RPS6KA2: variants seen among roughly 807,000 people sequenced by gnomAD.
RPS6KA2 encodes the protein ribosomal protein S6 kinase A2, also known as ribosomal protein S6 kinase alpha-2.
Under a neutral mutation model 91.8 loss-of-function variants are expected in RPS6KA2, and 42 were observed. That is an observed-to-expected ratio of 0.46 (90% CI 0.36 to 0.59). The LOEUF (loss-of-function observed/expected upper bound fraction) is 0.59. Ranked by LOEUF, RPS6KA2 falls within the 20% of genes least tolerant of loss-of-function variation. RPS6KA2 has a pLI of 0.00. For synonymous variants in RPS6KA2, 414 were observed against 393.6 expected, an observed-to-expected ratio of 1.05 and a Z score of -0.61; for missense variants, 798 against 978.5, an observed-to-expected ratio of 0.82 and a Z score of 2.46.
chr6:166,569,635 G>A (rs1644010489), intron 1 of RPS6KA2, among the ~76,000 whole-genome samples: 1 of 152,134 alleles, frequency 6.6e-6, no homozygotes, highest in Admixed American at 6.5e-5. Flanking sequence ...TATGGGCAGG[G>A]GCCACATCGT....
chr6:166,660,037 G>A (rs911780969), intron 2 of RPS6KA2, among the ~76,000 whole-genome samples: 9 of 151,946 alleles, frequency 5.9e-5, no homozygotes, highest in Non-Finnish European at 1.2e-4. Context: ...GCTCACAGGC[G>A]TGAGCCACCA....
chr6:166,616,182 G>A (rs565094970), intron 1 of RPS6KA2, among the ~76,000 whole-genome samples: 4 of 152,184 alleles, frequency 2.6e-5, no homozygotes, highest in Non-Finnish European at 4.4e-5. Flanking sequence ...ATTTATTACG[G>A]GTCAGACCCT....
Position 166,412,867 on chromosome 6 carries a change from G to A in RPS6KA2, c.2097C>T (p.Tyr699=). The change falls in exon 21 of 21, where the codon TAC becomes TAT. Residue 699 remains tyrosine (Y), a synonymous_variant. Transcript: ENST00000265678. This position sits in a 1 kb window ranked among gnomAD's most constrained non-coding sequence, Gnocchi z 4.3. ...CCTGAGGTGTTCTGTTTAGAGCAAA[G>A]TAGGTGGCGGCCATCGCGCCCTGCA... is the stretch of plus-strand genomic sequence containing the variant. ...HLVKGAMAAT[Y]FALNRTPQAP... The A allele has an allele frequency of 6.4e-7, 1 of 1,560,650 alleles. No homozygotes were observed. Among genetic ancestry groups the A allele is most frequent in the South Asian group, 1.2e-5 (1 of 84,736 alleles).
In RPS6KA2 at chr6:166,423,294, T is replaced by C. The variant is rs548653229; in HGVS notation, c.1705A>G (p.Met569Val). Reference sequence around the variant, plus strand: ...AAATTGGCCGTGTAGCAGGGTGTCATGAGCAGCCCGTTCCCCGCGCGCAGC... The same window carrying C: ...AAATTGGCCGTGTAGCAGGGTGTCACGAGCAGCCCGTTCCCCGCGCGCAGC... ...KQLRAGNGLL[M>V]TPCYTANFVA... Residue 569 changes from methionine to valine, a missense_variant, in exon 17 of 21, where the codon ATG (methionine) becomes GTG (valine). Met to Val is a conservative substitution (Grantham distance 21). Transcript: ENST00000265678. The surrounding 1 kb of genome is among the most constrained non-coding windows in gnomAD (Gnocchi z 4.8). 2.5e-6 allele frequency: 4 copies of C among 1,613,936 alleles called. No individual in the cohort carries two copies. The highest frequency in any genetic ancestry group is 2.2e-5 in the South Asian group (2 of 91,084).
intron 2 of RPS6KA2, among the ~76,000 whole-genome samples, chr6:166,640,572 C>T (rs1787398646): frequency 6.6e-6 from 1 of 152,178 alleles, no homozygotes; most frequent in Non-Finnish European, 1.5e-5. Context: ...GGGCAACCTG[C>T]TGGGTCACGT....
chr6:166,610,492 C>CTT (rs752696242), intron 1 of RPS6KA2, among the ~76,000 whole-genome samples: 1 of 152,240 alleles, frequency 6.6e-6, no homozygotes, highest in Non-Finnish European at 1.5e-5. Flanking sequence ...GGGTTACACA[C>CTT]TTCATGAGGC....
At chr6:166,723,932 T>C (rs1487784733) in intron 2 of RPS6KA2, among the ~76,000 whole-genome samples, 1 of 152,156 alleles carries the variant, frequency 6.6e-6, no homozygotes, top group Non-Finnish European at 1.5e-5. Context: ...ACTCCTGACC[T>C]CAGGTGATCC....
chr6:166,492,718 TTC>T (rs1418082364), intron 8 of RPS6KA2, among the ~76,000 whole-genome samples: 2 of 131,064 alleles, frequency 1.5e-5, no homozygotes, highest in African/African-American at 5.7e-5. Context: ...TCTTTTTCTT[TTC>T]TTTTTTTTTT....
At position 166,743,767 on chromosome 6, in the gene RPS6KA2, G is replaced by A. The variant is rs114052964; in HGVS notation, c.123+114433C>T. Among the ~76,000 whole-genome samples, 729 of 151,518 alleles carry A rather than the reference G, an allele frequency of 4.8e-3. 8 individuals carry two copies. The highest frequency in any genetic ancestry group is 0.016 in the African/African-American group (643 of 40,950). The stretch of plus-strand genomic sequence containing the variant: ...TAGAACGTTAACAAACCAGGCCCAC[G>A]GCAGACAGGGCTTTGGCTGGTGGTC... On this transcript the variant is annotated intron_variant, in intron 2 of 21. Coordinates refer to the RPS6KA2 transcript ENST00000503859.
At chr6:166,717,721 G>A (rs377415270) in intron 2 of RPS6KA2, among the ~76,000 whole-genome samples, 44 of 152,318 alleles carry the variant, frequency 2.9e-4, no homozygotes, top group African/African-American at 1.0e-3. Context: ...AGGTCAGCAT[G>A]CTGAAATGAC....
At chr6:166,645,301 G>A (rs911858434) in intron 2 of RPS6KA2, among the ~76,000 whole-genome samples, 22 of 152,202 alleles carry the variant, frequency 1.4e-4, no homozygotes, top group African/African-American at 5.1e-4. Flanking sequence ...ATAAATTATG[G>A]AGCTGGAATC....
intron 2 of RPS6KA2, chr6:166,701,732 C>A (rs1789527479): frequency 1.5e-6 from 2 of 1,301,934 alleles, no homozygotes; most frequent in Admixed American, 1.7e-5. Flanking sequence ...AGATTTAATC[C>A]AGGAATTAAA....
Position 166,825,747 on chromosome 6 carries a change from A to G in RPS6KA2, c.123+32453T>C, listed in dbSNP as rs1780035289. Among the ~76,000 whole-genome samples, 3 of 152,096 alleles carry G rather than the reference A, an allele frequency of 2.0e-5. No individual in the cohort carries two copies. Among genetic ancestry groups the G allele is most frequent in the Non-Finnish European group, 2.9e-5 (2 of 68,014 alleles). ...TGGGGTCTCCTTTATAAGGGCACTA[A>G]TCCCATGAATGAGGCTCCACCCTCA... On this transcript the variant is annotated intron_variant, in intron 2 of 21. Transcript: ENST00000503859. This position sits in a 1 kb window ranked among gnomAD's most constrained non-coding sequence, Gnocchi z 4.1.
At chr6:166,453,697 TG>T in intron 12 of RPS6KA2, among the ~76,000 whole-genome samples, 1 of 152,364 alleles carries the variant, frequency 6.6e-6, no homozygotes, top group East Asian at 1.9e-4. Context: ...ATCCCACTGC[TG>T]GGCATTGCCC....
At chr6:166,510,780 T>C (rs1782454959) in intron 3 of RPS6KA2, among the ~76,000 whole-genome samples, 1 of 151,420 alleles carries the variant, frequency 6.6e-6, no homozygotes, top group African/African-American at 2.4e-5. Context: ...CCAATCTATA[T>C]TCAGTCCTCC....
intron 2 of RPS6KA2, chr6:166,702,648 G>A: frequency 2.5e-6 from 4 of 1,571,256 alleles, no homozygotes; most frequent in South Asian, 2.2e-5. Flanking sequence ...TGGGTTTCCC[G>A]TGCAGTTCTA....
chr6:166,457,985 T>C (rs527635014), intron 12 of RPS6KA2, among the ~76,000 whole-genome samples: 11 of 152,362 alleles, frequency 7.2e-5, no homozygotes, highest in African/African-American at 2.2e-4. Flanking sequence ...ACCAGCTCCC[T>C]GGACTTGTCC....
intron 2 of RPS6KA2, among the ~76,000 whole-genome samples, chr6:166,687,769 C>G (rs1055726994): frequency 1.3e-5 from 2 of 152,214 alleles, no homozygotes; most frequent in African/African-American, 4.8e-5. Flanking sequence ...GTCGGCGGCT[C>G]TGTGTGGAGC....
intron 16 of RPS6KA2, among the ~76,000 whole-genome samples, chr6:166,428,617 AAAC>A (rs1357645117): frequency 2.0e-5 from 3 of 148,908 alleles, no homozygotes; most frequent in African/African-American, 7.4e-5. Context: ...AGAAAAAAAA[AAAC>A]AACCCCATCA....
Sources: gnomAD v4.1 joint callset for allele counts (sites outside exome capture counted in the v4.1 genomes callset) on GRCh38, gnomAD v4.1.1 for gene constraint, Gnocchi (gnomAD v3.1) non-coding constraint, MANE v1.5 for transcripts, NCBI Gene and HGNC (gene_info 2026-07-23, HGNC 2026-07-21) for gene names.